Variants in PDE8B observed in about 807,000 individuals in gnomAD.
PDE8B encodes the protein phosphodiesterase 8B, also known as high affinity cAMP-specific and IBMX-insensitive 3',5'-cyclic phosphodiesterase 8B.
A neutral mutation model predicts 101.3 loss-of-function variants in PDE8B; 26 were observed. That is an observed-to-expected ratio of 0.26 (90% CI 0.19 to 0.36). The LOEUF is 0.36. Among genes scored for constraint, PDE8B ranks in the 10% least tolerant of loss-of-function variants. The probability of loss-of-function intolerance (pLI) is 1.00; values close to 1 mark genes in which losing one functional copy is unlikely to be tolerated. For missense variants in PDE8B, 810 were observed against 1,163.1 expected, an observed-to-expected ratio of 0.70 and a Z score of 4.42; for synonymous variants, 424 against 429.3, an observed-to-expected ratio of 0.99 and a Z score of 0.15.
At chr5:77,406,224 G>A (rs1422187232) in intron 12 of PDE8B, among the ~76,000 whole-genome samples, 3 of 152,166 alleles carry the variant, frequency 2.0e-5, no homozygotes, top group Non-Finnish European at 2.9e-5. Flanking sequence ...GGCGGAGGTT[G>A]TGGTGAGCTA....
At chr5:77,425,008 C>G (rs993582087) in intron 20 of PDE8B, among the ~76,000 whole-genome samples, 3 of 152,016 alleles carry the variant, frequency 2.0e-5, no homozygotes, top group Non-Finnish European at 4.4e-5. Context: ...TTTTTAAGTG[C>G]AAACATGTGG....
intron 10 of PDE8B, among the ~76,000 whole-genome samples, chr5:77,366,930 AGAGAATGT>A (rs1312040032): frequency 6.6e-6 from 1 of 152,098 alleles, no homozygotes; most frequent in Non-Finnish European, 1.5e-5. Flanking sequence ...GCATCTGTGC[AGAGAATGT>A]GCAAGGTCAG....
chr5:77,288,475 A>G (rs761821962), intron 1 of PDE8B, among the ~76,000 whole-genome samples: 3 of 152,220 alleles, frequency 2.0e-5, no homozygotes, highest in Non-Finnish European at 4.4e-5. Flanking sequence ...CTTCTTTCCA[A>G]TTTCTCTAGT....
the PDE8B span, among the ~76,000 whole-genome samples, chr5:77,107,831 A>G: frequency 5.3e-5 from 8 of 152,304 alleles, no homozygotes; most frequent in African/African-American, 1.9e-4. Flanking sequence ...TAACCTTCAA[A>G]TTTACATATT....
chr5:77,211,963 C>T lies in PDE8B; in HGVS notation c.339+699C>T, dbSNP rs1005648908. Among the ~76,000 whole-genome samples the T allele has an allele frequency of 1.3e-5, 2 of 152,080 alleles. No individual in the cohort carries two copies. Among genetic ancestry groups the T allele is most frequent in the African/African-American group, 2.4e-5 (1 of 41,368 alleles). On this transcript the variant is annotated intron_variant, in intron 1 of 21. Transcript: ENST00000264917. This position sits in a 1 kb window ranked among gnomAD's most constrained non-coding sequence, Gnocchi z 4.1. Reference sequence around the variant, plus strand: ...GGACGTGGTTTCCAGTGCAGTACAGCTGTCTGAGGATGATTCTGCACATAC... The same window carrying T: ...GGACGTGGTTTCCAGTGCAGTACAGTTGTCTGAGGATGATTCTGCACATAC...
Position 77,353,409 on chromosome 5 carries a change from A to G in PDE8B, c.1167+3A>G. On this transcript the variant is annotated splice_donor_region_variant and intron_variant, in intron 10 of 21. Coordinates refer to ENST00000264917, the MANE Select transcript of PDE8B (RefSeq NM_003719.5). ...GTACCACTGACAATAATAAGCAGGT[A>G]TGGTATTAGCTCACTTCGTTTGCTC... The G allele has an allele frequency of 6.3e-7, 1 of 1,579,938 alleles. No individual in the cohort carries two copies. Among genetic ancestry groups the G allele is most frequent in the Non-Finnish European group, 8.7e-7 (1 of 1,148,844 alleles).
At chr5:77,238,597 C>G (rs1289268991) in intron 1 of PDE8B, among the ~76,000 whole-genome samples, 1 of 152,084 alleles carries the variant, frequency 6.6e-6, no homozygotes, top group Non-Finnish European at 1.5e-5. Context: ...GAAACAGAAC[C>G]AATAGGATAC....
chr5:77,162,664 G>C, the PDE8B span, among the ~76,000 whole-genome samples: 2 of 152,266 alleles, frequency 1.3e-5, no homozygotes, highest in East Asian at 3.9e-4. Context: ...GTTAATGAGA[G>C]TATTCTTCAT....
chr5:77,404,771 A>C lies in PDE8B; in HGVS notation c.1262A>C (p.Lys421Thr). The C allele has an allele frequency of 6.2e-7, 1 of 1,604,232 alleles. No individual in the cohort carries two copies. Among genetic ancestry groups the C allele is most frequent in the South Asian group, 1.1e-5 (1 of 90,864 alleles). ...AGGAGGAAAGAGTCCATTGACGTGA[A>C]ATCGATATCATCTCGAGGCAGTGAT... ...KNRRKESIDVKSISSRGSDAP... is the reference protein window; with the variant it reads ...KNRRKESIDVTSISSRGSDAP... The change falls in exon 12 of 22, where the codon AAA becomes ACA. Residue 421 changes from lysine to threonine, a missense_variant. Physicochemically the swap from Lys to Thr is moderately conservative, Grantham distance 78 (BLOSUM62 -1). Around this residue, in one of 4 missense-constraint regions of PDE8B, gnomAD observed 75 missense variants for 76.9 expected, o/e 0.98. Transcript: ENST00000264917.
the PDE8B span, among the ~76,000 whole-genome samples, chr5:77,102,999 A>G: frequency 6.6e-6 from 1 of 152,058 alleles, no homozygotes; most frequent in Non-Finnish European, 1.5e-5. Flanking sequence ...TGAAGCATCC[A>G]CCCCTCACTG....
chr5:77,178,569 T>C, the PDE8B span, among the ~76,000 whole-genome samples: 2 of 152,236 alleles, frequency 1.3e-5, no homozygotes, highest in South Asian at 4.1e-4. Context: ...TGCCTCACTT[T>C]TCCTTCTGTG....
chr5:77,148,673 C>CT, the PDE8B span: 1 of 152,152 alleles, frequency 6.6e-6, no homozygotes, highest in Non-Finnish European at 1.5e-5. Context: ...CATTTATGTA[C>CT]ATTCTTTAGT....
chr5:77,361,566 G>GT (rs1783105065), intron 10 of PDE8B, among the ~76,000 whole-genome samples: 1 of 148,856 alleles, frequency 6.7e-6, no homozygotes, highest in Non-Finnish European at 1.5e-5. Context: ...CCAGGCTAGA[G>GT]TGCAGTGGCG....
chr5:77,148,492 T>C, the PDE8B span: 3 of 152,246 alleles, frequency 2.0e-5, no homozygotes, highest in Non-Finnish European at 4.4e-5. Context: ...TACGTTCTTA[T>C]CAACAATATA....
At chr5:77,406,980 C>T (rs978777980) in intron 12 of PDE8B, among the ~76,000 whole-genome samples, 1 of 152,116 alleles carries the variant, frequency 6.6e-6, no homozygotes, top group Non-Finnish European at 1.5e-5. Flanking sequence ...GCTGGCTGCA[C>T]AGTCATCTGG....
At chr5:77,389,394 C>A (rs1789423305) in intron 10 of PDE8B, among the ~76,000 whole-genome samples, 1 of 152,166 alleles carries the variant, frequency 6.6e-6, no homozygotes, top group Admixed American at 6.5e-5. Context: ...CCTCCGTGGG[C>A]TGCACCCACT....
the PDE8B span, among the ~76,000 whole-genome samples, chr5:77,176,636 G>A: frequency 1.3e-5 from 2 of 152,156 alleles, no homozygotes; most frequent in African/African-American, 4.8e-5. Flanking sequence ...CCCTACTGGC[G>A]GTAAGGATGC....
intron 1 of PDE8B, among the ~76,000 whole-genome samples, chr5:77,249,793 A>G (rs934991030): frequency 6.6e-6 from 1 of 152,252 alleles, no homozygotes; most frequent in Non-Finnish European, 1.5e-5. Context: ...TTCCACTGAT[A>G]AAAATTAGAG....
intron 6 of PDE8B, among the ~76,000 whole-genome samples, chr5:77,341,963 C>T (rs978709325): frequency 1.3e-5 from 2 of 152,132 alleles, no homozygotes; most frequent in Admixed American, 6.5e-5. Flanking sequence ...TCTTCTAACC[C>T]GTATCATGAT....
Sources: gnomAD v4.1 joint callset for allele counts (sites outside exome capture counted in the v4.1 genomes callset) on GRCh38, gnomAD v4.1.1 for gene constraint, gnomAD v4.1.1 regional missense constraint, Gnocchi (gnomAD v3.1) non-coding constraint, MANE v1.5 for transcripts, NCBI Gene and HGNC (gene_info 2026-07-23, HGNC 2026-07-21) for gene names.